RFC3: variants seen among roughly 807,000 people sequenced by gnomAD.
RFC3 encodes the protein replication factor C subunit 3.
A neutral mutation model predicts 45.1 loss-of-function variants in RFC3; 41 were observed. The ratio of observed to expected loss-of-function variants is 0.91; its 90% CI spans 0.71 to 1.18. RFC3 has a LOEUF of 1.18. Among genes scored for constraint, RFC3 ranks in the 50% most tolerant of loss-of-function variants. The pLI is 0.00. For missense variants in RFC3, 423 were observed against 428.1 expected (o/e 0.99, Z 0.10); for synonymous variants, 149 against 144.0 (o/e 1.03, Z -0.25).
chr13:33,835,210 T>A lies in RFC3; in HGVS notation c.872T>A (p.Ile291Lys). 1 of 1,606,172 alleles carries A rather than the reference T, an allele frequency of 6.2e-7. No individual in the cohort carries two copies. ...ACTCATTGTATTCCTCCTGAGATAA[T>A]AATGAAGGTAACCCAATTTCAGATC... is the stretch of plus-strand genomic sequence containing the variant. The part of the protein sequence containing the change: ...LLTHCIPPEI[I>K]MKGLLSELLH... Residue 291 changes from isoleucine to lysine, a missense_variant, in exon 8 of 9, where the codon ATA becomes AAA. Transcript: ENST00000380071.
intron 8 of RFC3, among the ~76,000 whole-genome samples, chr13:33,858,008 G>A (rs903410656): frequency 1.3e-5 from 2 of 152,098 alleles, no homozygotes; most frequent in Non-Finnish European, 2.9e-5. Context: ...TAACACATGG[G>A]GAAATGATGT....
intron 8 of RFC3, among the ~76,000 whole-genome samples, chr13:33,868,401 C>T (rs1224213097): frequency 1.4e-5 from 2 of 147,824 alleles, no homozygotes; most frequent in African/African-American, 4.9e-5. Context: ...CCCCACTTCT[C>T]CACACCCAAC....
chr13:33,838,174 T>C (rs950243925), downstream of RFC3, among the ~76,000 whole-genome samples: 4 of 152,196 alleles, frequency 2.6e-5, no homozygotes, highest in African/African-American at 9.6e-5. Context: ...ATATATTGAC[T>C]CCTTTATCAT....
At chr13:33,881,331 C>T (rs1214556614) in intron 8 of RFC3, among the ~76,000 whole-genome samples, 4 of 152,126 alleles carry the variant, frequency 2.6e-5, no homozygotes, top group South Asian at 2.1e-4. Context: ...AATATTCATT[C>T]GTTAGTTCAG....
At chr13:33,835,311 C>T (rs2082143843) in intron 8 of RFC3, 94 bp downstream of exon 8, 5 of 797,764 alleles carry the variant, frequency 6.3e-6, no homozygotes, top group East Asian at 4.9e-5. Context: ...AAGATATCAC[C>T]TCTTTCTCTC....
downstream of RFC3, among the ~76,000 whole-genome samples, chr13:33,966,870 A>G (rs1031111758): frequency 2.0e-5 from 3 of 152,092 alleles, no homozygotes; most frequent in Admixed American, 6.6e-5. Context: ...GAAAAATGGG[A>G]AAGTGGCCAG....
chr13:33,921,164 GACTA>G (rs2082766306), intron 8 of RFC3, among the ~76,000 whole-genome samples: 1 of 152,246 alleles, frequency 6.6e-6, no homozygotes, highest in Non-Finnish European at 1.5e-5. Flanking sequence ...CCCTGTGCTA[GACTA>G]ACTGTTGGGA....
At chr13:33,904,571 C>T (rs1334007968) in intron 8 of RFC3, among the ~76,000 whole-genome samples, 1 of 152,010 alleles carries the variant, frequency 6.6e-6, no homozygotes, top group Non-Finnish European at 1.5e-5. Flanking sequence ...TTCCTGGTGT[C>T]AGAGGAACCC....
In RFC3 at chr13:33,818,239, G is replaced by C. The variant is rs994805798; in HGVS notation, c.61G>C (p.Glu21Gln). The change falls in exon 1 of 9, where the codon GAG becomes CAG. Residue 21 changes from glutamate (E) to glutamine (Q), a missense_variant. By Grantham distance (29) the Glu-to-Gln change is conservative (BLOSUM62 2). Coordinates refer to ENST00000380071, the MANE Select transcript of RFC3 (RefSeq NM_002915.4). ...CSLGRLDYHK[E>Q]QAAQLRNLVQ... The stretch of plus-strand genomic sequence containing the variant: ...CTTGGGACGGCTGGACTATCACAAG[G>C]AGCAGGCGGCCCAGCTGCGGAACCT... The C allele has an allele frequency of 6.2e-7, 1 of 1,613,638 alleles. No homozygotes were observed. Among genetic ancestry groups the C allele is most frequent in the Non-Finnish European group, 8.5e-7 (1 of 1,179,980 alleles).
At chr13:33,819,026 G>A (rs1172158734) in intron 1 of RFC3, among the ~76,000 whole-genome samples, 1 of 151,820 alleles carries the variant, frequency 6.6e-6, no homozygotes, top group Non-Finnish European at 1.5e-5. Flanking sequence ...GAGTAGCTGG[G>A]ATTACAGGCG....
chr13:33,925,207 CATATA>C (rs2082798242), intron 8 of RFC3, among the ~76,000 whole-genome samples: 1 of 118,638 alleles, frequency 8.4e-6, no homozygotes, highest in Non-Finnish European at 1.7e-5. Flanking sequence ...TATACATACA[CATATA>C]GTGTACTATA....
At chr13:33,965,190 G>A (rs933459162) in intron 8 of RFC3, among the ~76,000 whole-genome samples, 1 of 152,130 alleles carries the variant, frequency 6.6e-6, no homozygotes, top group African/African-American at 2.4e-5. Flanking sequence ...AGCAAATGAG[G>A]ACTATAGTCC....
chr13:33,837,006 C>T lies in RFC3; in HGVS notation c.*711C>T. 1.1e-5 allele frequency: 11 copies of T among 984,654 alleles called. No homozygotes were observed. The highest frequency in any genetic ancestry group is 1.3e-5 in the Non-Finnish European group (11 of 829,328). The allele number at this position is 984,654 out of a possible 1,614,324, so 61.0% of individuals were successfully genotyped here. Reference sequence around the variant, plus strand: ...TTTGTGTTTTGTCATTAGCTCTGCCCTTTTTAATTAAATATTTTGGTTCAT... The same window carrying T: ...TTTGTGTTTTGTCATTAGCTCTGCCTTTTTTAATTAAATATTTTGGTTCAT... On this transcript the variant is annotated 3_prime_UTR_variant, in exon 9 of 9. Transcript: ENST00000380071.
chr13:33,906,558 T>A lies in RFC3; in HGVS notation c.880-59529T>A, dbSNP rs552516074. Among the ~76,000 whole-genome samples, 36 of 152,194 alleles carry A rather than the reference T, an allele frequency of 2.4e-4. 1 individual carries two copies. Among genetic ancestry groups the A allele is most frequent in the African/African-American group, 8.7e-4 (36 of 41,556 alleles). ...CATCATCTTGCAGTCTGTTTAACTG[T>A]TGACTTTTATTTTCATTTGCATATA... On this transcript the variant is annotated intron_variant, in intron 8 of 8. Coordinates refer to the RFC3 transcript ENST00000434425.
rs1294001605 is a variant in RFC3 at position 33,835,215 on chromosome 13, A to G, written c.877A>G (p.Lys293Glu). 2 of 1,602,536 alleles carry G rather than the reference A, an allele frequency of 1.2e-6. No homozygotes were observed. The highest frequency in any genetic ancestry group is 3.3e-5 in the Admixed American group (2 of 59,900). The change falls in exon 8 of 9, where the codon AAG (lysine) becomes GAG (glutamate). Residue 293 changes from lysine (K) to glutamate (E), a missense_variant and splice_region_variant. Lys to Glu is a moderately conservative substitution (Grantham distance 56). Transcript: ENST00000380071. ...TTGTATTCCTCCTGAGATAATAATG[A>G]AGGTAACCCAATTTCAGATCTTGAA... ...THCIPPEIIMKGLLSELLHNC... is the reference protein window; with the variant it reads ...THCIPPEIIMEGLLSELLHNC...
intron 8 of RFC3, among the ~76,000 whole-genome samples, chr13:33,899,717 A>G (rs2082627404): frequency 6.6e-6 from 1 of 152,106 alleles, no homozygotes; most frequent in Admixed American, 6.6e-5. Flanking sequence ...AGAGCATCCT[A>G]ATTGGGAAAA....
intron 8 of RFC3, among the ~76,000 whole-genome samples, chr13:33,901,490 G>T (rs1234339845): frequency 6.6e-6 from 1 of 151,890 alleles, no homozygotes. Flanking sequence ...AAAAATGTGG[G>T]TATCATGGAG....
At chr13:33,911,676 G>C (rs189250478) in intron 8 of RFC3, among the ~76,000 whole-genome samples, 3 of 152,128 alleles carry the variant, frequency 2.0e-5, no homozygotes, top group Admixed American at 6.5e-5. Flanking sequence ...AACCCAAGGT[G>C]TGTCCTGGTT....
intron 8 of RFC3, among the ~76,000 whole-genome samples, chr13:33,949,308 C>A (rs1033215829): frequency 2.0e-5 from 3 of 152,140 alleles, no homozygotes; most frequent in Admixed American, 6.5e-5. Context: ...TTTCCTGAGG[C>A]CTTCTCAGTG....
Sources: allele counts gnomAD v4.1 joint callset (sites outside exome capture counted in the v4.1 genomes callset), GRCh38; gene constraint gnomAD v4.1.1; transcripts MANE v1.5; gene names NCBI Gene and HGNC (gene_info 2026-07-23, HGNC 2026-07-21).